The following ZNF420 variants were observed in gnomAD, a reference collection of about 807,000 sequenced individuals.
ZNF420 encodes ATM and p53-associated KZNF protein.
A neutral mutation model predicts 44.7 loss-of-function variants in ZNF420; 31 were observed. The observed-to-expected ratio is 0.69, with a 90% CI of 0.52 to 0.94. ZNF420 has a LOEUF of 0.94. Among genes scored for constraint, ZNF420 ranks in the 40% least tolerant of loss-of-function variants. The pLI is 0.00. For missense variants in ZNF420, 681 were observed against 827.9 expected (o/e 0.82, Z 2.18); for synonymous variants, 245 against 267.4 (o/e 0.92, Z 0.82).
At chr19:37,033,316 T>C (rs897251637) in intron 1 of ZNF420, among the ~76,000 whole-genome samples, 1 of 152,166 alleles carries the variant, frequency 6.6e-6, no homozygotes, top group African/African-American at 2.4e-5. Flanking sequence ...CTTTTTCCTT[T>C]TCAGTTTCCC....
intron 1 of ZNF420, among the ~76,000 whole-genome samples, chr19:37,051,361 T>C (rs557343658): frequency 1.2e-4 from 18 of 152,338 alleles, no homozygotes; most frequent in African/African-American, 4.3e-4. Flanking sequence ...GGACTTTTTT[T>C]GGTTGTTAAG....
rs530713474 is a variant in ZNF420, at chr19:37,116,571, G to A, written c.137-10557G>A. 3.2e-3 allele frequency among the ~76,000 whole-genome samples: 490 copies of A among 152,176 alleles called. 4 individuals are homozygous for A. Among genetic ancestry groups the A allele is most frequent in the African/African-American group, 0.011 (467 of 41,524 alleles). ...TTTCTGCATTTCCATCTGAGGTACC[G>A]GGTTCATCTCACTAGGGAGTGCCAG... On this transcript the variant is annotated intron_variant, in intron 4 of 4. Transcript: ENST00000337995.
At chr19:37,089,868 A>AT (rs1178014950) in intron 3 of ZNF420, among the ~76,000 whole-genome samples, 2 of 152,182 alleles carry the variant, frequency 1.3e-5, no homozygotes, top group Non-Finnish European at 2.9e-5. Flanking sequence ...AGTCAGACAT[A>AT]TTCATTATAT....
chr19:37,088,993 A>G, intron 2 of ZNF420, 46 bp from the exon 3 acceptor site: 1 of 821,530 alleles, frequency 1.2e-6, no homozygotes, highest in Non-Finnish European at 2.1e-6. Flanking sequence ...ATCATTTGTT[A>G]CTTTGCAAAA....
At chr19:37,124,570 G>T (rs550192539) in intron 4 of ZNF420, among the ~76,000 whole-genome samples, 10 of 152,312 alleles carry the variant, frequency 6.6e-5, no homozygotes, top group African/African-American at 2.4e-4. Context: ...AACAGTATTT[G>T]AGAATTTTTG....
chr19:37,112,270 C>T (rs556946668), intron 4 of ZNF420, among the ~76,000 whole-genome samples: 24 of 152,006 alleles, frequency 1.6e-4, no homozygotes, highest in Non-Finnish European at 2.8e-4. Flanking sequence ...CCATCTTAGT[C>T]GTGATTTTTT....
chr19:37,130,000 CT>C lies in ZNF420; in HGVS notation c.*948del. Reference sequence around the variant, plus strand: ...TTTTCCTACCCTATATCTATTTTCTCTTTTTTAGTAACAAATTTCTGGGCTG... The same window carrying C: ...TTTTCCTACCCTATATCTATTTTCTCTTTTTAGTAACAAATTTCTGGGCTG... On this transcript the variant is annotated 3_prime_UTR_variant, in exon 5 of 5. Transcript: ENST00000337995. The C allele has an allele frequency of 1.3e-6, 2 of 1,508,988 alleles. No homozygotes were observed. Among genetic ancestry groups the C allele is most frequent in the South Asian group, 1.3e-5 (1 of 77,138 alleles). 93.5% of individuals were successfully genotyped at this position (1,508,988 alleles called of 1,614,324 possible).
At chr19:37,074,466 CA>C (rs1469718984), upstream of ZNF420, among the ~76,000 whole-genome samples, 1 of 151,886 alleles carries the variant, frequency 6.6e-6, no homozygotes, top group African/African-American at 2.4e-5. Flanking sequence ...TCATGAAATA[CA>C]AAAACAGGCT....
intron 4 of ZNF420, among the ~76,000 whole-genome samples, chr19:37,126,262 G>A (rs1180735601): frequency 6.6e-6 from 1 of 152,178 alleles, no homozygotes; most frequent in Non-Finnish European, 1.5e-5. Context: ...CCTGAAGAAT[G>A]AGGAAGAGTG....
chr19:37,064,788 G>A (rs1215049370), intron 1 of ZNF420, among the ~76,000 whole-genome samples: 2 of 152,316 alleles, frequency 1.3e-5, no homozygotes, highest in African/African-American at 2.4e-5. Flanking sequence ...TAGGATTACA[G>A]TATTAGGAAG....
intron 4 of ZNF420, among the ~76,000 whole-genome samples, chr19:37,098,694 G>C (rs2146584164): frequency 6.6e-6 from 1 of 152,278 alleles, no homozygotes; most frequent in East Asian, 1.9e-4. Flanking sequence ...TTTGTGGTTA[G>C]GACATTCAAG....
At chr19:37,073,909 G>GGAT (rs1319198395), upstream of ZNF420, among the ~76,000 whole-genome samples, 2 of 152,050 alleles carry the variant, frequency 1.3e-5, no homozygotes, top group African/African-American at 4.8e-5. Flanking sequence ...GCAACACAGA[G>GGAT]GATGATAACA....
At chr19:37,007,951 G>A (rs764650047) in exon 1 of ZNF420, 22 of 163,258 alleles carry the variant, frequency 1.3e-4, no homozygotes, top group Non-Finnish European at 2.9e-4. Flanking sequence ...TCTCCAGGAG[G>A]TCGACAGAAC....
intron 4 of ZNF420, among the ~76,000 whole-genome samples, chr19:37,121,331 A>G (rs1280943222): frequency 6.8e-6 from 1 of 147,762 alleles, no homozygotes; most frequent in Non-Finnish European, 1.5e-5. Flanking sequence ...CATATCTACA[A>G]CTATCTGATC....
chr19:37,103,966 C>A (rs1335709057), intron 4 of ZNF420, among the ~76,000 whole-genome samples: 1 of 117,722 alleles, frequency 8.5e-6, no homozygotes, highest in Non-Finnish European at 1.9e-5. Flanking sequence ...GCTCTTCTCT[C>A]ATTTTTTTTT....
At chr19:37,112,984 G>C (rs1456293418) in intron 4 of ZNF420, among the ~76,000 whole-genome samples, 1 of 152,134 alleles carries the variant, frequency 6.6e-6, no homozygotes, top group African/African-American at 2.4e-5. Flanking sequence ...TGTGGCCGGG[G>C]ACAGTTGCTG....
At chr19:37,069,192 G>A (rs560437742) in intron 1 of ZNF420, among the ~76,000 whole-genome samples, 49 of 152,148 alleles carry the variant, frequency 3.2e-4, no homozygotes, top group Non-Finnish European at 6.5e-4. Context: ...ACTTAGACAC[G>A]TATTAGCCTA....
At chr19:37,121,759 G>A (rs1971053417) in intron 4 of ZNF420, among the ~76,000 whole-genome samples, 1 of 152,086 alleles carries the variant, frequency 6.6e-6, no homozygotes, top group Non-Finnish European at 1.5e-5. Context: ...AATCTACAAT[G>A]AACTCAAATT....
intron 4 of ZNF420, among the ~76,000 whole-genome samples, chr19:37,116,368 C>CAAAAAAAAAAA (rs57611154): frequency 1.3e-5 from 1 of 75,898 alleles, no homozygotes; most frequent in African/African-American, 4.3e-5. Flanking sequence ...GACTCCACCT[C>CAAAAAAAAAAA]AAAAAAAAAA....
Sources: gnomAD v4.1 joint callset for allele counts (sites outside exome capture counted in the v4.1 genomes callset) on GRCh38, gnomAD v4.1.1 for gene constraint, MANE v1.5 for transcripts, NCBI Gene and HGNC (gene_info 2026-07-23, HGNC 2026-07-21) for gene names.